The following PHF2 variants were observed in gnomAD, a reference collection of about 807,000 sequenced individuals.
The protein encoded by PHF2 is PHD finger protein 2, also known as lysine-specific demethylase PHF2.
A neutral mutation model predicts 120.5 loss-of-function variants in PHF2; 27 were observed. That is an observed-to-expected ratio of 0.22 (90% CI 0.17 to 0.31). PHF2 has a LOEUF of 0.31. PHF2 is among the 10% of genes least tolerant of loss of function. The probability of loss-of-function intolerance (pLI) is 1.00; values close to 1 mark genes in which losing one functional copy is unlikely to be tolerated. For missense variants in PHF2, 1,024 were observed against 1,434.8 expected (o/e 0.71, Z 4.63); for synonymous variants, 568 against 592.5 (o/e 0.96, Z 0.60).
chr9:93,659,203 C>T (rs1421272486), intron 10 of PHF2, among the ~76,000 whole-genome samples: 2 of 152,260 alleles, frequency 1.3e-5, no homozygotes, highest in Non-Finnish European at 2.9e-5. Context: ...GCCCCTGCCA[C>T]CTCACCTTAG....
intron 1 of PHF2, among the ~76,000 whole-genome samples, chr9:93,588,667 G>T (rs1490790583): frequency 6.6e-6 from 1 of 152,134 alleles, no homozygotes; most frequent in Admixed American, 6.5e-5. Flanking sequence ...TGAGGCAGGC[G>T]GATCACAAGG....
chr9:93,659,498 G>T lies in PHF2; in HGVS notation c.1240-13G>T. The T allele has an allele frequency of 1.2e-6, 2 of 1,612,348 alleles. No homozygotes were observed. The highest frequency in any genetic ancestry group is 2.2e-5 in the South Asian group (2 of 91,038). On this transcript the variant is annotated splice_polypyrimidine_tract_variant and intron_variant, in intron 10 of 21. Coordinates refer to ENST00000359246, the MANE Select transcript of PHF2 (RefSeq NM_005392.4). ...GGTGTCTGGTGCTGACCCTGGGTCC[G>T]GTTGTCCTGCAGGCTTTGGCAGAGC...
At chr9:93,597,741 G>T (rs1355919729) in intron 1 of PHF2, among the ~76,000 whole-genome samples, 1 of 152,170 alleles carries the variant, frequency 6.6e-6, no homozygotes, top group East Asian at 1.9e-4. Flanking sequence ...CAGTCACCTT[G>T]CTGCTGAGCA....
intron 6 of PHF2, among the ~76,000 whole-genome samples, chr9:93,654,116 A>G (rs1157614828): frequency 2.6e-5 from 4 of 152,190 alleles, no homozygotes; most frequent in African/African-American, 9.6e-5. Flanking sequence ...GCTACCTGGA[A>G]TGCTTTTGAC....
At chr9:93,584,523 G>T (rs1232469339) in intron 1 of PHF2, among the ~76,000 whole-genome samples, 1 of 152,192 alleles carries the variant, frequency 6.6e-6, no homozygotes, top group Non-Finnish European at 1.5e-5. Flanking sequence ...GAATGATCTT[G>T]GCACCCTGGC....
rs1439639030 is a variant in PHF2, at chr9:93,660,116, G to A, written c.1330-76G>A. ...GCCAGCCTGGCACTGAGTGTCTCCA[G>A]CATCCTGGTGTGTGGACCGTCTTGG... On this transcript the variant is annotated intron_variant, in intron 11 of 21. Coordinates refer to ENST00000359246, the MANE Select transcript of PHF2 (RefSeq NM_005392.4). The A allele has an allele frequency of 3.5e-6, 5 of 1,446,690 alleles. No homozygotes were observed. In the East Asian group the frequency reaches 1.3e-4, roughly 36 times the overall value. The allele number at this position is 1,446,690 out of a possible 1,614,324, so 89.6% of individuals were successfully genotyped here. A position where few individuals can be genotyped will look rare whatever the true frequency, so the allele number is the denominator to read the frequency against.
At chr9:93,669,780 T>TTCC (rs1826748641) in intron 17 of PHF2, among the ~76,000 whole-genome samples, 1 of 152,180 alleles carries the variant, frequency 6.6e-6, no homozygotes, top group African/African-American at 2.4e-5. Flanking sequence ...CTGTGGCAGC[T>TTCC]TCCTCTCCCT....
chr9:93,612,015 G>A (rs1414897707), intron 1 of PHF2, among the ~76,000 whole-genome samples: 2 of 152,126 alleles, frequency 1.3e-5, no homozygotes. Context: ...GATTACAGAG[G>A]GGCATATTTA....
chr9:93,654,403 C>T lies in PHF2; in HGVS notation c.790-10C>T. The T allele has an allele frequency of 6.2e-7, 1 of 1,609,796 alleles. No homozygotes were observed. Among genetic ancestry groups the T allele is most frequent in the Non-Finnish European group, 8.5e-7 (1 of 1,176,746 alleles). On this transcript the variant is annotated splice_polypyrimidine_tract_variant and intron_variant, in intron 6 of 21. Transcript: ENST00000359246. ...GTATGGGCGGCTCTGCCAACAGGCT[C>T]TCTTGGCAGGGGGAGAAGACCTTCT...
intron 1 of PHF2, among the ~76,000 whole-genome samples, chr9:93,597,429 G>A (rs531430250): frequency 1.3e-5 from 2 of 152,210 alleles, no homozygotes; most frequent in South Asian, 4.2e-4. Flanking sequence ...GGGAGACTGT[G>A]CAGGTAGCCT....
chr9:93,674,920 C>T lies in PHF2; in HGVS notation c.2627-7C>T. ...GCGGGCCACGCCTTCCCTCTGCCTCCCTCTAGTTTACCCCTCACTGGAGTC... is the reference window on the plus strand; with the variant it reads ...GCGGGCCACGCCTTCCCTCTGCCTCTCTCTAGTTTACCCCTCACTGGAGTC... On this transcript the variant is annotated splice_polypyrimidine_tract_variant and splice_region_variant and intron_variant, in intron 18 of 21. Transcript: ENST00000359246. 6.2e-7 allele frequency: 1 copy of T among 1,611,242 alleles called. No homozygotes were observed. Among genetic ancestry groups the T allele is most frequent in the Non-Finnish European group, 8.5e-7 (1 of 1,177,670 alleles).
In PHF2 at chr9:93,675,033, GAC is replaced by G; in HGVS notation, c.2722+13_2722+14del. The G allele has an allele frequency of 6.2e-7, 1 of 1,608,026 alleles. No homozygotes were observed. Among genetic ancestry groups the G allele is most frequent in the African/African-American group, 1.3e-5 (1 of 74,946 alleles). On this transcript the variant is annotated intron_variant, in intron 19 of 21. Transcript: ENST00000359246. ...CCTACAGCCCAACAGGTAGTGCTGG[GAC>G]AGGGGTAGGGGGTCCACCTGACACC...
At chr9:93,607,256 TTTG>T (rs1288581472) in intron 1 of PHF2, among the ~76,000 whole-genome samples, 3 of 152,008 alleles carry the variant, frequency 2.0e-5, no homozygotes, top group Non-Finnish European at 2.9e-5. Flanking sequence ...TGCTGGGGTT[TTTG>T]TTGTTGTTGT....
intron 6 of PHF2, among the ~76,000 whole-genome samples, chr9:93,653,804 G>A (rs567387683): frequency 5.9e-5 from 9 of 152,298 alleles, no homozygotes; most frequent in African/African-American, 1.4e-4. Flanking sequence ...AAAATGAGAC[G>A]TAAATAGCAA....
intron 1 of PHF2, among the ~76,000 whole-genome samples, chr9:93,579,825 C>G (rs373102289): frequency 6.6e-6 from 1 of 152,192 alleles, no homozygotes; most frequent in African/African-American, 2.4e-5. Context: ...GCAGCTTTGG[C>G]GGCAGCCGAG....
chr9:93,623,797 CA>C (rs1418538532), intron 1 of PHF2, among the ~76,000 whole-genome samples: 10 of 152,246 alleles, frequency 6.6e-5, no homozygotes, highest in Admixed American at 5.2e-4. Flanking sequence ...TTTATATTTT[CA>C]AAAACAATTT....
At chr9:93,639,775 G>A (rs1826147489) in intron 3 of PHF2, among the ~76,000 whole-genome samples, 1 of 152,146 alleles carries the variant, frequency 6.6e-6, no homozygotes, top group Non-Finnish European at 1.5e-5. Context: ...ACAGGCAGCT[G>A]GGGCAGAATG....
intron 20 of PHF2, 89 bp downstream of exon 20, chr9:93,675,878 AC>A: frequency 1.1e-6 from 1 of 912,318 alleles, no homozygotes; most frequent in Non-Finnish European, 1.7e-6. Context: ...CTGTTTCTCC[AC>A]CCCATACACA....
In PHF2 at chr9:93,660,468, G is replaced by C; in HGVS notation, c.1606G>C (p.Glu536Gln). ...GGKKKGKKSR[E>Q]SASPTIPNLD... ...CAAGAAGAAAGGGAAGAAGTCCCGG[G>C]AGTCAGCCTCACCCACCATCCCCAA... Residue 536 changes from glutamate to glutamine, a missense_variant, in exon 12 of 22, where the codon GAG (glutamate) becomes CAG (glutamine). Physicochemically the swap from Glu to Gln is conservative, Grantham distance 29. Coordinates refer to ENST00000359246, the MANE Select transcript of PHF2 (RefSeq NM_005392.4). The C allele has an allele frequency of 1.3e-6, 2 of 1,596,202 alleles. No individual in the cohort carries two copies. Among genetic ancestry groups the C allele is most frequent in the Middle Eastern group, 1.7e-4 (1 of 5,868 alleles).
Sources: allele counts gnomAD v4.1 joint callset (sites outside exome capture counted in the v4.1 genomes callset), GRCh38; gene constraint gnomAD v4.1.1; transcripts MANE v1.5; gene names NCBI Gene and HGNC (gene_info 2026-07-23, HGNC 2026-07-21).